TJAP1: variants seen among roughly 807,000 people sequenced by gnomAD.
TJAP1 encodes tight junction-associated protein 1.
In TJAP1, 27 loss-of-function variants were observed where a neutral mutation model predicts 42.0. The ratio of observed to expected loss-of-function variants is 0.64; its 90% CI spans 0.47 to 0.89. The LOEUF is 0.89. TJAP1 is among the 40% of genes least tolerant of loss of function. TJAP1 has a pLI of 0.00. For missense variants in TJAP1, 712 were observed against 726.9 expected (o/e 0.98, Z 0.24); for synonymous variants, 257 against 288.4 (o/e 0.89, Z 1.10).
intron 2 of TJAP1, among the ~76,000 whole-genome samples, chr6:43,487,374 G>T (rs1380108982): frequency 6.6e-6 from 1 of 152,194 alleles, no homozygotes; most frequent in East Asian, 1.9e-4. Context: ...TTCACAGGTA[G>T]CCCAAGTAGG....
intron 2 of TJAP1, among the ~76,000 whole-genome samples, chr6:43,494,590 C>T (rs1347391330): frequency 8.0e-6 from 1 of 125,290 alleles, no homozygotes; most frequent in Non-Finnish European, 1.6e-5. Flanking sequence ...CTCAGTTCCT[C>T]AAGGCTTAGG....
intron 10 of TJAP1, chr6:43,504,462 A>G: frequency 2.3e-6 from 1 of 439,890 alleles, no homozygotes; most frequent in Non-Finnish European, 4.1e-6. Context: ...AGATTCTCCA[A>G]ACTTAAGTAT....
chr6:43,503,694 C>T (rs1791510208), exon 10 of TJAP1: 1 of 1,614,150 alleles, frequency 6.2e-7, no homozygotes, highest in Non-Finnish European at 8.5e-7. Context: ...TCCGAAACCA[C>T]AAGTTTGCCG....
At chr6:43,488,836 T>C (rs1787147813) in intron 2 of TJAP1, among the ~76,000 whole-genome samples, 2 of 152,200 alleles carry the variant, frequency 1.3e-5, no homozygotes, top group African/African-American at 4.8e-5. Flanking sequence ...ATTTGAGCTC[T>C]TGGGCTGTAG....
rs1335628782 is a variant in TJAP1, at chr6:43,501,787, CTCTG to C, written c.290+104_290+107del. On this transcript the variant is annotated intron_variant, in intron 6 of 10. Coordinates refer to ENST00000372449, the Ensembl canonical transcript of TJAP1. ...TCTCTGTCTCTCTCTCTCTCTGTGT[CTCTG>C]TCTCTCTCCTTTCATAGGAGGTTAG... 6.4e-4 allele frequency: 422 copies of C among 660,210 alleles called. 4 individuals carry two copies. The East Asian group carries it at 0.011, about 17-fold the overall frequency. The allele number at this position is 660,210 out of a possible 1,614,324, so 40.9% of individuals were successfully genotyped here.
intron 2 of TJAP1, among the ~76,000 whole-genome samples, chr6:43,479,148 G>T (rs181188693): frequency 6.6e-6 from 1 of 152,342 alleles, no homozygotes; most frequent in East Asian, 1.9e-4. Flanking sequence ...ACTTCCTTTG[G>T]TGAGTGTTTT....
intron 2 of TJAP1, among the ~76,000 whole-genome samples, chr6:43,494,364 T>C (rs1219621719): frequency 6.6e-6 from 1 of 152,100 alleles, no homozygotes. Flanking sequence ...GAGTCCCTTT[T>C]CCTTCTCACT....
chr6:43,503,743 C>G (rs78262217), intron 10 of TJAP1, 37 bp downstream of exon 10: 40,037 of 1,580,442 alleles, frequency 0.025, 618 homozygotes, highest in South Asian at 0.034. Context: ...CCACATAGAC[C>G]ATTCCGGCCA....
At position 43,495,934 on chromosome 6, in the gene TJAP1, C is replaced by CCCTG. The variant is rs1275716388; in HGVS notation, c.-121-1936_-121-1933dup. ...GGACACCCAAGTGCGTTTGTGTCCTCCCTGCCTGCCTGCCGTTCATGCAGG... is the reference window on the plus strand; with the variant it reads ...GGACACCCAAGTGCGTTTGTGTCCTCCCTGCCTGCCTGCCTGCCGTTCATGCAGG... On this transcript the variant is annotated intron_variant, in intron 2 of 10. Coordinates refer to ENST00000372449, the Ensembl canonical transcript of TJAP1. The surrounding 1 kb of genome is among the most constrained non-coding windows in gnomAD (Gnocchi z 4.6). 1.3e-5 allele frequency among the ~76,000 whole-genome samples: 2 copies of CCCTG among 152,114 alleles called. No individual in the cohort carries two copies. Among genetic ancestry groups the CCCTG allele is most frequent in the African/African-American group, 4.8e-5 (2 of 41,406 alleles).
chr6:43,479,057 C>T (rs9472064), intron 2 of TJAP1, among the ~76,000 whole-genome samples: 38,215 of 152,076 alleles, frequency 0.25, 6,224 homozygotes, highest in East Asian at 0.62. Context: ...CCAAACTAAG[C>T]ATGGCCTGAG....
chr6:43,479,646 C>T (rs908331755), intron 2 of TJAP1, among the ~76,000 whole-genome samples: 8 of 152,014 alleles, frequency 5.3e-5, no homozygotes, highest in Non-Finnish European at 1.2e-4. Flanking sequence ...CCAGCCTGGG[C>T]AGCGTAGGAG....
chr6:43,479,108 G>T (rs1383694026), intron 2 of TJAP1, among the ~76,000 whole-genome samples: 1 of 152,230 alleles, frequency 6.6e-6, no homozygotes, highest in Non-Finnish European at 1.5e-5. Flanking sequence ...AAAGGGACTG[G>T]AGCCAGAGAA....
chr6:43,478,800 TAGAG>T (rs948186059), intron 2 of TJAP1: 1 of 152,158 alleles, frequency 6.6e-6, no homozygotes, highest in Non-Finnish European at 1.5e-5. Flanking sequence ...AGGTTGGGAT[TAGAG>T]AGAAAAAATG....
At chr6:43,502,096 T>TCTCC (rs1791026512) in intron 6 of TJAP1, among the ~76,000 whole-genome samples, 187 bp from the exon 7 acceptor site, 1 of 150,412 alleles carries the variant, frequency 6.6e-6, no homozygotes, top group South Asian at 2.1e-4. Flanking sequence ...TCTCTCTCTC[T>TCTCC]CTCTCTCTCT....
rs201624955 is a variant in TJAP1, at chr6:43,501,927, ACTCTCTCTCTCT to A, written c.290+258_290+269del. ...CACACACACACACACACACACACAC[ACTCTCTCTCTCT>A]CTCTCTCTCTCTCTCTCCTTTCATA... is the stretch of plus-strand genomic sequence containing the variant. On this transcript the variant is annotated intron_variant, in intron 6 of 10. Coordinates refer to ENST00000372449, the Ensembl canonical transcript of TJAP1. Among the ~76,000 whole-genome samples the A allele has an allele frequency of 4.7e-4, 34 of 71,606 alleles. 1 individual carries two copies. The East Asian group carries it at 0.012, about 25-fold the overall frequency. The allele number at this position is 71,606 out of a possible 152,430, so 47.0% of individuals were successfully genotyped here. A position where few individuals can be genotyped will look rare whatever the true frequency, so the allele number is the denominator to read the frequency against.
intron 2 of TJAP1, among the ~76,000 whole-genome samples, chr6:43,489,116 C>T (rs1787232042): frequency 6.6e-6 from 1 of 152,190 alleles, no homozygotes; most frequent in Admixed American, 6.5e-5. Flanking sequence ...TGTCCTCCCG[C>T]CCCAGGGGAC....
intron 2 of TJAP1, among the ~76,000 whole-genome samples, chr6:43,482,273 C>A (rs1372118630): frequency 6.6e-6 from 1 of 152,128 alleles, no homozygotes; most frequent in African/African-American, 2.4e-5. Context: ...GATTCTTCCC[C>A]TTTATTGTTT....
Position 43,505,045 on chromosome 6 carries a change from T to C in TJAP1, c.864T>C (p.Asn288=), listed in dbSNP as rs1455135860. The C allele has an allele frequency of 1.2e-6, 2 of 1,613,798 alleles. No individual in the cohort carries two copies. Among genetic ancestry groups the C allele is most frequent in the African/African-American group, 2.7e-5 (2 of 74,852 alleles). Residue 288 remains asparagine (N), a synonymous_variant, in exon 11 of 11, where the codon AAT becomes AAC. Coordinates refer to ENST00000372449, the Ensembl canonical transcript of TJAP1. The surrounding 1 kb of genome is among the most constrained non-coding windows in gnomAD (Gnocchi z 5.5). The stretch of plus-strand genomic sequence containing the variant: ...CTGGCAGCCCCACCCCACAACCCAA[T>C]GGGGAGTGCCACTCTCTGGGTACTG...
chr6:43,500,530 G>A (rs1021270250), intron 4 of TJAP1: 2 of 584,834 alleles, frequency 3.4e-6, no homozygotes, highest in Non-Finnish European at 6.2e-6. Flanking sequence ...GGTTGGAAGA[G>A]GTTCTTGAAT....
Sources: allele counts gnomAD v4.1 joint callset (sites outside exome capture counted in the v4.1 genomes callset), GRCh38; gene constraint gnomAD v4.1.1; non-coding constraint Gnocchi (gnomAD v3.1); transcripts MANE v1.5; gene names NCBI Gene and HGNC (gene_info 2026-07-23, HGNC 2026-07-21).